Variants in AK3 observed in about 807,000 individuals in gnomAD.
AK3 encodes the protein GTP:AMP phosphotransferase AK3, mitochondrial.
In AK3, 27 loss-of-function variants were observed where a neutral mutation model predicts 23.7. That is an observed-to-expected ratio of 1.14 (90% CI 0.84 to 1.57). The LOEUF is 1.57. Ranked by LOEUF, AK3 falls within the 40% of genes most tolerant of loss-of-function variation. The pLI, the probability that AK3 is intolerant of heterozygous loss-of-function variation, is 0.00. For missense variants in AK3, 406 were observed against 285.6 expected (o/e 1.42, Z -3.04); for synonymous variants, 159 against 116.0 (o/e 1.37, Z -2.38).
intron 1 of AK3, among the ~76,000 whole-genome samples, chr9:4,726,936 C>G (rs1190029918): frequency 6.6e-6 from 1 of 152,048 alleles, no homozygotes; most frequent in East Asian, 1.9e-4. Context: ...ATGAAAACAA[C>G]ATGAATTTCC....
Position 4,716,394 on chromosome 9 carries a change from T to C in AK3, c.563+2025A>G, listed in dbSNP as rs575810612. 2.0e-5 allele frequency among the ~76,000 whole-genome samples: 3 copies of C among 152,294 alleles called. No homozygotes were observed. The East Asian group carries it at 5.8e-4, about 29-fold the overall frequency. ...AATGATTTAATAGACACCAGGGCTG[T>C]TGTAGGACTTTCCAGGATCTCTCAC... is the stretch of plus-strand genomic sequence containing the variant. On this transcript the variant is annotated intron_variant, in intron 4 of 4. Coordinates refer to ENST00000381809, the MANE Select transcript of AK3 (RefSeq NM_016282.4).
intron 1 of AK3, among the ~76,000 whole-genome samples, chr9:4,732,914 T>C (rs1164852871): frequency 6.6e-6 from 1 of 151,300 alleles, no homozygotes; most frequent in African/African-American, 2.4e-5. Context: ...GGCATGATTA[T>C]AACTCACTGC....
At chr9:4,726,368 G>C (rs1842024148) in intron 1 of AK3, among the ~76,000 whole-genome samples, 1 of 152,168 alleles carries the variant, frequency 6.6e-6, no homozygotes, top group Non-Finnish European at 1.5e-5. Flanking sequence ...CAAAACTGTA[G>C]TCTATCCTCT....
Position 4,712,140 on chromosome 9 carries a change from A to T in AK3, c.*836T>A, listed in dbSNP as rs1841578018. On this transcript the variant is annotated 3_prime_UTR_variant, in exon 5 of 5. Coordinates refer to ENST00000381809, the MANE Select transcript of AK3 (RefSeq NM_016282.4). ...TCACACATTTGGATCAAAAAGAAAA[A>T]CCAGCAAGTAGATCCTAAAACACAT... 6.6e-6 allele frequency: 1 copy of T among 152,158 alleles called. No individual in the cohort carries two copies. Among genetic ancestry groups the T allele is most frequent in the Non-Finnish European group, 1.5e-5 (1 of 68,016 alleles). 9.4% of individuals were successfully genotyped at this position (152,158 alleles called of 1,614,324 possible).
chr9:4,712,226 T>C lies in AK3; in HGVS notation c.*750A>G, dbSNP rs1186730129. On this transcript the variant is annotated 3_prime_UTR_variant, in exon 5 of 5. Coordinates refer to ENST00000381809, the MANE Select transcript of AK3 (RefSeq NM_016282.4). Reference sequence around the variant, plus strand: ...TAATTACATTTTGTTGAAAATTCATTCAACTTTGGTGCTTGTAAAAGCACT... The same window carrying C: ...TAATTACATTTTGTTGAAAATTCATCCAACTTTGGTGCTTGTAAAAGCACT... 1.3e-5 allele frequency: 2 copies of C among 152,174 alleles called. No individual in the cohort carries two copies. Among genetic ancestry groups the C allele is most frequent in the African/African-American group, 4.8e-5 (2 of 41,452 alleles). 9.4% of individuals were successfully genotyped at this position (152,174 alleles called of 1,614,324 possible).
intron 1 of AK3, among the ~76,000 whole-genome samples, chr9:4,731,750 A>G (rs939708726): frequency 6.6e-6 from 1 of 152,174 alleles, no homozygotes; most frequent in African/African-American, 2.4e-5. Context: ...ACATCTTAAC[A>G]GACTCCTCAT....
intron 1 of AK3, among the ~76,000 whole-genome samples, chr9:4,734,858 G>A (rs1250845388): frequency 1.3e-5 from 2 of 152,144 alleles, no homozygotes; most frequent in Non-Finnish European, 2.9e-5. Flanking sequence ...TAGTGTGGAT[G>A]AGCCTTGAAA....
chr9:4,724,933 A>C (rs1484663132), intron 1 of AK3, among the ~76,000 whole-genome samples: 1 of 152,158 alleles, frequency 6.6e-6, no homozygotes, highest in Non-Finnish European at 1.5e-5. Context: ...ATCCAGATGA[A>C]AAGGAATGAA....
At chr9:4,739,341 C>A (rs1294075881) in intron 1 of AK3, among the ~76,000 whole-genome samples, 1 of 151,626 alleles carries the variant, frequency 6.6e-6, no homozygotes, top group Non-Finnish European at 1.5e-5. Flanking sequence ...CAGGTGCCTG[C>A]CACTGCGCCT....
intron 1 of AK3, among the ~76,000 whole-genome samples, chr9:4,723,885 A>C (rs1240436423): frequency 6.6e-6 from 1 of 152,232 alleles, no homozygotes; most frequent in African/African-American, 2.4e-5. Flanking sequence ...ATAAATTCCC[A>C]GATGTCAGAT....
At chr9:4,730,931 A>G (rs1024200930) in intron 1 of AK3, among the ~76,000 whole-genome samples, 1 of 152,120 alleles carries the variant, frequency 6.6e-6, no homozygotes, top group African/African-American at 2.4e-5. Context: ...CTTCTCAGTT[A>G]TAATTGCTCT....
At chr9:4,717,533 C>T (rs563276520) in intron 4 of AK3, among the ~76,000 whole-genome samples, 2 of 152,302 alleles carry the variant, frequency 1.3e-5, no homozygotes, top group South Asian at 4.1e-4. Context: ...GCCTCCCCAG[C>T]ATTCATTCCA....
At position 4,709,720 on chromosome 9, in the gene AK3, G is replaced by C. The variant is rs1470134632; in HGVS notation, c.*3256C>G. On this transcript the variant is annotated 3_prime_UTR_variant, in exon 5 of 5. Coordinates refer to ENST00000381809, the MANE Select transcript of AK3 (RefSeq NM_016282.4). ...TAAGCACAGCTACACTATTTTAACT[G>C]TTTAAAAATTTTTTAACCATAACTT... 6.6e-6 allele frequency: 1 copy of C among 152,132 alleles called. No homozygotes were observed. The highest frequency in any genetic ancestry group is 1.5e-5 in the Non-Finnish European group (1 of 68,014). 9.4% of individuals were successfully genotyped at this position (152,132 alleles called of 1,614,324 possible). A position where few individuals can be genotyped will look rare whatever the true frequency, so the allele number is the denominator to read the frequency against.
intron 1 of AK3, among the ~76,000 whole-genome samples, chr9:4,728,852 T>TACACACACACAC (rs1224091484): frequency 7.7e-5 from 2 of 26,070 alleles, no homozygotes; most frequent in African/African-American, 1.6e-4. Flanking sequence ...TATATATATA[T>TACACACACACAC]ATATATATAT....
chr9:4,713,065 T>C lies in AK3; in HGVS notation c.595A>G (p.Thr199Ala). 6.2e-7 allele frequency: 1 copy of C among 1,613,778 alleles called. No homozygotes were observed. Among genetic ancestry groups the C allele is most frequent in the Non-Finnish European group, 8.5e-7 (1 of 1,179,760 alleles). ...TAGGGCCAAATCTTGTTGGTTTCTG[T>C]TCCGGAGAATGTTTCCAGCACCCCT... is the stretch of plus-strand genomic sequence containing the variant. ...KKGVLETFSG[T>A]ETNKIWPYVY... The change falls in exon 5 of 5, where the codon ACA (threonine) becomes GCA (alanine). Residue 199 changes from threonine to alanine, a missense_variant. Physicochemically the swap from Thr to Ala is moderately conservative, Grantham distance 58. Coordinates refer to ENST00000381809, the MANE Select transcript of AK3 (RefSeq NM_016282.4).
In AK3 at chr9:4,741,194, G is replaced by C. The variant is rs1842425706; in HGVS notation, c.-107C>G. The C allele has an allele frequency of 8.3e-7, 1 of 1,211,760 alleles. No homozygotes were observed. Among genetic ancestry groups the C allele is most frequent in the Non-Finnish European group, 1.1e-6 (1 of 940,032 alleles). The allele number at this position is 1,211,760 out of a possible 1,614,324, so 75.1% of individuals were successfully genotyped here. On this transcript the variant is annotated 5_prime_UTR_variant, in exon 1 of 5. Transcript: ENST00000381809. ...GGCCGGCTAGCAGCGCCACTAGCAG[G>C]CGGCTACTGCGGTTCCCCGGCGTTC... is the stretch of plus-strand genomic sequence containing the variant.
intron 1 of AK3, among the ~76,000 whole-genome samples, chr9:4,727,669 G>C (rs1186358360): frequency 6.6e-6 from 1 of 152,130 alleles, no homozygotes; most frequent in Admixed American, 6.5e-5. Flanking sequence ...GTGCTCCAGT[G>C]TTTACTGGAG....
At chr9:4,715,045 C>T (rs964125785) in intron 4 of AK3, among the ~76,000 whole-genome samples, 1 of 151,692 alleles carries the variant, frequency 6.6e-6, no homozygotes, top group African/African-American at 2.4e-5. Flanking sequence ...ATGGCGAAAC[C>T]CCGTCTCTAC....
chr9:4,717,156 T>C (rs1476753701), intron 4 of AK3, among the ~76,000 whole-genome samples: 6 of 152,164 alleles, frequency 3.9e-5, no homozygotes, highest in African/African-American at 1.4e-4. Context: ...AAGGTGAAGA[T>C]GGTGAGCTGG....
Sources: allele counts gnomAD v4.1 joint callset (sites outside exome capture counted in the v4.1 genomes callset), GRCh38; gene constraint gnomAD v4.1.1; transcripts MANE v1.5; gene names NCBI Gene and HGNC (gene_info 2026-07-23, HGNC 2026-07-21).